Variants in USP28 observed in about 807,000 individuals in gnomAD.
The protein encoded by USP28 is ubiquitin specific peptidase 28.
Under a neutral mutation model 145.0 loss-of-function variants are expected in USP28, and 113 were observed. The observed-to-expected ratio is 0.78, with a 90% confidence interval of 0.67 to 0.91. The LOEUF (loss-of-function observed/expected upper bound fraction) is 0.91. Ranked by LOEUF, USP28 falls within the 40% of genes least tolerant of loss-of-function variation. USP28 has a pLI of 0.00. For synonymous variants in USP28, 447 were observed against 450.9 expected, an observed-to-expected ratio of 0.99 and a Z score of 0.11; for missense variants, 1,201 against 1,289.6, an observed-to-expected ratio of 0.93 and a Z score of 1.05.
At chr11:113,849,287 A>G (rs146505876) in intron 3 of USP28, among the ~76,000 whole-genome samples, 1 of 152,336 alleles carries the variant, frequency 6.6e-6, no homozygotes, top group Non-Finnish European at 1.5e-5. Context: ...ACAGCTCCCA[A>G]TAGACCAATA....
At chr11:113,852,799 G>T (rs1011348317) in intron 2 of USP28, among the ~76,000 whole-genome samples, 166 bp from the exon 3 acceptor site, 1 of 152,066 alleles carries the variant, frequency 6.6e-6, no homozygotes, top group African/African-American at 2.4e-5. Context: ...TGCTTGAAGC[G>T]TCTATTAAAT....
intron 11 of USP28, among the ~76,000 whole-genome samples, chr11:113,824,703 G>A (rs1218136714): frequency 6.6e-6 from 1 of 151,752 alleles, no homozygotes; most frequent in African/African-American, 2.4e-5. Flanking sequence ...GGCCGAGGCA[G>A]GCGGATTACC....
In USP28 at chr11:113,842,989, G is replaced by T. The variant is rs556695847; in HGVS notation, c.269-1221C>A. On this transcript the variant is annotated intron_variant, in intron 3 of 24. Transcript: ENST00000003302. ...CTCACGCCTTTAATCCCAGCACTTT[G>T]GGAGGTCAAGATGGGAGGATCAGTT... is the stretch of plus-strand genomic sequence containing the variant. 3.9e-5 allele frequency among the ~76,000 whole-genome samples: 6 copies of T among 152,312 alleles called. No homozygotes were observed. The South Asian group carries it at 1.2e-3, about 32-fold the overall frequency.
chr11:113,821,579 G>C (rs968133375), intron 12 of USP28: 2 of 187,694 alleles, frequency 1.1e-5, no homozygotes, highest in South Asian at 1.1e-4. Flanking sequence ...AAGGGGCAGG[G>C]GACAGCCATG....
At chr11:113,811,051 T>A (rs1275025640) in intron 16 of USP28, among the ~76,000 whole-genome samples, 1 of 152,202 alleles carries the variant, frequency 6.6e-6, no homozygotes, top group Non-Finnish European at 1.5e-5. Flanking sequence ...ACTTATAAAA[T>A]GTTCATCATA....
At chr11:113,874,231 C>T (rs990955486) in intron 1 of USP28, among the ~76,000 whole-genome samples, 65 of 151,010 alleles carry the variant, frequency 4.3e-4, no homozygotes, top group African/African-American at 1.6e-3. Flanking sequence ...GCGGGCGAAT[C>T]ACCTTAAGTC....
chr11:113,817,753 AG>A lies in USP28; in HGVS notation c.1367del (p.Pro456LeufsTer14). 1 of 1,614,234 alleles carries A rather than the reference AG, an allele frequency of 6.2e-7. No individual in the cohort carries two copies. On this transcript the variant is annotated frameshift_variant, in exon 13 of 25. Transcript: ENST00000003302. LOFTEE classifies it high-confidence loss of function. ...TTTCAGGTGGACAGCTTTCTGAGGCAGGTTTTGTACTAGCAAATTCAATAAC... is the reference window on the plus strand; with the variant it reads ...TTTCAGGTGGACAGCTTTCTGAGGCAGTTTTGTACTAGCAAATTCAATAAC...
At chr11:113,853,936 A>C (rs948596748) in intron 2 of USP28, among the ~76,000 whole-genome samples, 2 of 151,856 alleles carry the variant, frequency 1.3e-5, no homozygotes, top group African/African-American at 4.8e-5. Context: ...AGGTTTTTTC[A>C]ATATCAGATA....
At chr11:113,828,795 A>G (rs1027238340) in intron 10 of USP28, 6 of 357,654 alleles carry the variant, frequency 1.7e-5, no homozygotes, top group Admixed American at 7.9e-5. Flanking sequence ...AGAATTTACA[A>G]TTGAGAACAG....
At chr11:113,843,432 G>A (rs919191132) in intron 3 of USP28, among the ~76,000 whole-genome samples, 3 of 152,208 alleles carry the variant, frequency 2.0e-5, no homozygotes, top group Admixed American at 2.0e-4. Context: ...AGCACTTTGG[G>A]ATGCCAAGGC....
chr11:113,870,952 G>A (rs1281461968), intron 1 of USP28, among the ~76,000 whole-genome samples: 1 of 152,182 alleles, frequency 6.6e-6, no homozygotes, highest in Non-Finnish European at 1.5e-5. Context: ...TTGTTATTTG[G>A]TTTCAAGATA....
At chr11:113,873,909 G>A (rs559213003) in intron 1 of USP28, among the ~76,000 whole-genome samples, 1 of 152,108 alleles carries the variant, frequency 6.6e-6, no homozygotes, top group African/African-American at 2.4e-5. Context: ...TTGGGAGGCC[G>A]AGGCGGGCGG....
intron 5 of USP28, among the ~76,000 whole-genome samples, chr11:113,840,238 C>A (rs572260407): frequency 2.9e-3 from 449 of 152,296 alleles, no homozygotes; most frequent in African/African-American, 0.01. Context: ...GCATTCACTT[C>A]TCTCCTTCCA....
At chr11:113,807,956 CATCATATCCAT>C (rs1940296730) in intron 18 of USP28, 2 of 1,120,528 alleles carry the variant, frequency 1.8e-6, no homozygotes, top group Non-Finnish European at 2.2e-6. Flanking sequence ...TGTACCTCCT[CATCATATCCAT>C]CTGCATCAGA....
chr11:113,862,192 C>A (rs755869036), intron 1 of USP28, among the ~76,000 whole-genome samples: 3 of 151,972 alleles, frequency 2.0e-5, no homozygotes, highest in African/African-American at 7.2e-5. Flanking sequence ...ACTAAAAATA[C>A]AAAAATTAGC....
chr11:113,836,645 T>C (rs1000116408), intron 5 of USP28, among the ~76,000 whole-genome samples: 2 of 152,140 alleles, frequency 1.3e-5, no homozygotes, highest in Non-Finnish European at 2.9e-5. Context: ...ACTCCAACTC[T>C]TTTCTATTTC....
At chr11:113,840,901 G>T in intron 4 of USP28, 144 bp from the exon 5 acceptor site, 1 of 1,032,652 alleles carries the variant, frequency 9.7e-7, no homozygotes, top group South Asian at 2.3e-5. Flanking sequence ...ATAAGGAACT[G>T]TAAGACTGTA....
At chr11:113,842,960 G>A (rs1050473924) in intron 3 of USP28, among the ~76,000 whole-genome samples, 3 of 152,224 alleles carry the variant, frequency 2.0e-5, no homozygotes, top group African/African-American at 7.2e-5. Flanking sequence ...TTTGGGCATG[G>A]TGGCTCACGC....
rs144724578 is a variant in USP28, at chr11:113,841,867, C to T, written c.269-99G>A. Reference sequence around the variant, plus strand: ...AAGACATACTCCCTAGCTTTCACTACAACAATGGCTCAACTGTGTAACAAT... The same window carrying T: ...AAGACATACTCCCTAGCTTTCACTATAACAATGGCTCAACTGTGTAACAAT... On this transcript the variant is annotated intron_variant, in intron 3 of 24. Transcript: ENST00000003302. 781 of 702,078 alleles carry T rather than the reference C, an allele frequency of 1.1e-3. 18 individuals are homozygous for T. The Admixed American group carries it at 0.02, about 18-fold the overall frequency. The allele number at this position is 702,078 out of a possible 1,614,324, so 43.5% of individuals were successfully genotyped here.
Sources: allele counts gnomAD v4.1 joint callset (sites outside exome capture counted in the v4.1 genomes callset), GRCh38; gene constraint gnomAD v4.1.1; transcripts MANE v1.5; gene names NCBI Gene and HGNC (gene_info 2026-07-23, HGNC 2026-07-21).